ZNF317: variants seen among roughly 807,000 people sequenced by gnomAD.
ZNF317 encodes zinc finger protein 317.
ZNF317 carries 17 observed loss-of-function variants against 23.4 expected under a neutral mutation model. The observed-to-expected ratio is 0.73, with a 90% confidence interval of 0.50 to 1.09. The LOEUF (loss-of-function observed/expected upper bound fraction) is 1.09. Ranked by LOEUF, ZNF317 falls within the 50% of genes least tolerant of loss-of-function variation. ZNF317 has a pLI of 0.00. For missense variants in ZNF317, 679 were observed against 796.7 expected, an observed-to-expected ratio of 0.85 and a Z score of 1.78; for synonymous variants, 317 against 314.9, an observed-to-expected ratio of 1.01 and a Z score of -0.07.
rs2050636481 is a variant in ZNF317 at position 9,142,037 on chromosome 19, C to T, written c.-93+1445C>T. Among the ~76,000 whole-genome samples the T allele has an allele frequency of 1.3e-5, 2 of 152,182 alleles. 1 individual carries two copies. The highest frequency in any genetic ancestry group is 1.3e-4 in the Admixed American group (2 of 15,274). Reference sequence around the variant, plus strand: ...GCCAGGCTGGTCTCGATCTCCTGACCTCAGGTGATCCACCGGCCTTGGCCT... The same window carrying T: ...GCCAGGCTGGTCTCGATCTCCTGACTTCAGGTGATCCACCGGCCTTGGCCT... On this transcript the variant is annotated intron_variant, in intron 1 of 6. Transcript: ENST00000247956.
At chr19:9,154,061 G>C (rs1424649171) in intron 1 of ZNF317, among the ~76,000 whole-genome samples, 2 of 152,164 alleles carry the variant, frequency 1.3e-5, no homozygotes, top group African/African-American at 2.4e-5. Flanking sequence ...CAGGTAGTGC[G>C]AGGGTCCAGA....
intron 1 of ZNF317, among the ~76,000 whole-genome samples, chr19:9,153,860 T>C (rs952034878): frequency 2.0e-5 from 3 of 152,080 alleles, no homozygotes; most frequent in Non-Finnish European, 2.9e-5. Context: ...ATGGGGATGA[T>C]GGTAGTGGAT....
At chr19:9,156,272 G>C (rs1400158987) in intron 2 of ZNF317, among the ~76,000 whole-genome samples, 2 of 152,130 alleles carry the variant, frequency 1.3e-5, no homozygotes, top group Non-Finnish European at 2.9e-5. Context: ...AGAGGGTGCA[G>C]GTAATGGGTA....
rs145592149 is a variant in ZNF317, at chr19:9,157,990, C to T, written c.300C>T (p.Val100=). The change falls in exon 5 of 7, where the codon GTC becomes GTT. Residue 100 remains valine, a synonymous_variant. Coordinates refer to ENST00000247956, the MANE Select transcript of ZNF317 (RefSeq NM_020933.5). ...YSNLTSLGYQ[V]GKPSLISHLE... Reference sequence around the variant, plus strand: ...TTCCCGTGAGTGTAGGGTATCAGGTCGGCAAACCCAGCCTCATCTCACACT... The same window carrying T: ...TTCCCGTGAGTGTAGGGTATCAGGTTGGCAAACCCAGCCTCATCTCACACT... 3.3e-5 allele frequency: 51 copies of T among 1,551,238 alleles called. No individual in the cohort carries two copies. The highest frequency in any genetic ancestry group is 4.1e-5 in the Non-Finnish European group (47 of 1,146,870).
chr19:9,155,251 G>C (rs762582929), intron 1 of ZNF317, among the ~76,000 whole-genome samples: 6 of 152,064 alleles, frequency 3.9e-5, no homozygotes, highest in Non-Finnish European at 8.8e-5. Flanking sequence ...AGGCTGGAGT[G>C]CATGATGGTA....
chr19:9,153,390 C>T (rs1464011957), intron 1 of ZNF317, among the ~76,000 whole-genome samples: 2 of 152,258 alleles, frequency 1.3e-5, no homozygotes, highest in African/African-American at 2.4e-5. Context: ...CTCGAACTCT[C>T]GACCTCAGGT....
Position 9,161,049 on chromosome 19 carries a change from C to CA in ZNF317, c.1405dup (p.Thr469AsnfsTer17), listed in dbSNP as rs1306734384. 5 of 1,614,106 alleles carry CA rather than the reference C, an allele frequency of 3.1e-6. No homozygotes were observed. Among genetic ancestry groups the CA allele is most frequent in the Non-Finnish European group, 4.2e-6 (5 of 1,180,058 alleles). On this transcript the variant is annotated frameshift_variant, in exon 7 of 7. Transcript: ENST00000247956. LOFTEE classifies it low-confidence loss of function (END_TRUNC). The surrounding 1 kb of genome is among the most constrained non-coding windows in gnomAD (Gnocchi z 4.0). ...ACCTCACCGCACACAGGAAGATACA[C>CA]ACGCAAGAGAGACGCTACGAATGCG...
intron 1 of ZNF317, among the ~76,000 whole-genome samples, chr19:9,143,442 T>G (rs1216044335): frequency 6.6e-6 from 1 of 152,168 alleles, no homozygotes; most frequent in African/African-American, 2.4e-5. Context: ...CCCAAAGAAT[T>G]GCAGTATCAT....
chr19:9,150,222 A>T (rs2050724347), intron 1 of ZNF317, among the ~76,000 whole-genome samples: 1 of 152,178 alleles, frequency 6.6e-6, no homozygotes, highest in Non-Finnish European at 1.5e-5. Context: ...GGGAGCGGAG[A>T]GTGGCACCCA....
At position 9,160,611 on chromosome 19, in the gene ZNF317, C is replaced by T. The variant is rs765305989; in HGVS notation, c.966C>T (p.Ile322=). The stretch of plus-strand genomic sequence containing the variant: ...CTTACGGCCGGAGCTGCCACCTCAT[C>T]GCACACAAGAGAACGCACACCGGAG... ...GKAYGRSCHL[I]AHKRTHTGER... Residue 322 remains isoleucine (I), a synonymous_variant, in exon 7 of 7, where the codon ATC becomes ATT. Transcript: ENST00000247956. The surrounding 1 kb of genome is among the most constrained non-coding windows in gnomAD (Gnocchi z 6.8). 8 of 1,613,920 alleles carry T rather than the reference C, an allele frequency of 5.0e-6. No individual in the cohort carries two copies. The highest frequency in any genetic ancestry group is 6.8e-6 in the Non-Finnish European group (8 of 1,179,996).
chr19:9,159,009 C>G (rs1490951223), intron 6 of ZNF317, 101 bp downstream of exon 6: 2 of 762,990 alleles, frequency 2.6e-6, no homozygotes, highest in East Asian at 5.1e-5. Context: ...CAAGCAGCTT[C>G]CCTCAGAGGA....
chr19:9,146,474 T>C (rs894206666), intron 1 of ZNF317, among the ~76,000 whole-genome samples: 9 of 150,940 alleles, frequency 6.0e-5, no homozygotes, highest in Middle Eastern at 3.4e-3. Context: ...TCACCCAGGC[T>C]GGAAGTGCAG....
At chr19:9,145,982 AATTATT>A (rs138875341) in intron 1 of ZNF317, among the ~76,000 whole-genome samples, 14,780 of 151,600 alleles carry the variant, frequency 0.097, 847 homozygotes, top group African/African-American at 0.17. Context: ...TTAAGAAACA[AATTATT>A]ATTATTATTA....
At chr19:9,152,454 C>T (rs2050744057) in intron 1 of ZNF317, among the ~76,000 whole-genome samples, 1 of 152,158 alleles carries the variant, frequency 6.6e-6, no homozygotes. Flanking sequence ...ACAGCGGCTC[C>T]CCATCACTCA....
chr19:9,156,060 G>A lies in ZNF317; in HGVS notation c.25+19G>A. 1 of 1,614,084 alleles carries A rather than the reference G, an allele frequency of 6.2e-7. No individual in the cohort carries two copies. The highest frequency in any genetic ancestry group is 8.5e-7 in the Non-Finnish European group (1 of 1,180,022). On this transcript the variant is annotated intron_variant, in intron 2 of 6. Coordinates refer to ENST00000247956, the MANE Select transcript of ZNF317 (RefSeq NM_020933.5). ...ACATTTGGTAAGTTCTTGGGTCAGTGCGTGCCCTGAGAAAGTGAGTGCAAG... is the reference window on the plus strand; with the variant it reads ...ACATTTGGTAAGTTCTTGGGTCAGTACGTGCCCTGAGAAAGTGAGTGCAAG...
At chr19:9,158,384 TTTTTTTTG>T (rs1307860889) in intron 5 of ZNF317, among the ~76,000 whole-genome samples, 47 of 125,590 alleles carry the variant, frequency 3.7e-4, no homozygotes, top group African/African-American at 8.8e-4. Context: ...TTTTTTTTTT[TTTTTTTTG>T]ACGGAGTCTC....
chr19:9,145,066 CAG>C (rs551532403), intron 1 of ZNF317, among the ~76,000 whole-genome samples: 47 of 152,290 alleles, frequency 3.1e-4, no homozygotes, highest in Non-Finnish European at 4.4e-4. Flanking sequence ...TTTTCTGAGA[CAG>C]AGTCTCACTC....
At chr19:9,158,283 A>G (rs2050807838) in intron 5 of ZNF317, among the ~76,000 whole-genome samples, 1 of 149,196 alleles carries the variant, frequency 6.7e-6, no homozygotes, top group Non-Finnish European at 1.5e-5. Flanking sequence ...TCTTTGTCCC[A>G]TTCTTTCATA....
At position 9,159,551 on chromosome 19, in the gene ZNF317, TG is replaced by T. The variant is rs1335043786; in HGVS notation, c.469-562del. ...TGTTTTTGTTGTTGTTTTTGTTTTTTGTTTTTTTTTTTGAGGCACAGTCTTG... is the reference window on the plus strand; with the variant it reads ...TGTTTTTGTTGTTGTTTTTGTTTTTTTTTTTTTTTTTGAGGCACAGTCTTG... On this transcript the variant is annotated intron_variant, in intron 6 of 6. Transcript: ENST00000247956. Among the ~76,000 whole-genome samples the T allele has an allele frequency of 5.4e-3, 769 of 143,622 alleles. 11 individuals carry two copies. Among genetic ancestry groups the T allele is most frequent in the African/African-American group, 0.022 (747 of 34,730 alleles). 94.2% of individuals were successfully genotyped at this position (143,622 alleles called of 152,430 possible). A position where few individuals can be genotyped will look rare whatever the true frequency, so the allele number is the denominator to read the frequency against.
Sources: gnomAD v4.1 joint callset for allele counts (sites outside exome capture counted in the v4.1 genomes callset) on GRCh38, gnomAD v4.1.1 for gene constraint, Gnocchi (gnomAD v3.1) non-coding constraint, MANE v1.5 for transcripts, NCBI Gene and HGNC (gene_info 2026-07-23, HGNC 2026-07-21) for gene names.